Variants in LAMA3 observed in about 807,000 individuals in gnomAD.
LAMA3 encodes laminin subunit alpha 3, also known as laminin subunit alpha-3.
In LAMA3, 281 loss-of-function variants were observed where a neutral mutation model predicts 402.0. The observed-to-expected ratio is 0.70, with a 90% CI of 0.63 to 0.77. LAMA3 has a LOEUF of 0.77. LAMA3 is among the 30% of genes least tolerant of loss of function. The pLI is 0.00. For synonymous variants in LAMA3, 1,431 were observed against 1,558.4 expected, an observed-to-expected ratio of 0.92 and a Z score of 1.93; for missense variants, 3,840 against 4,215.5, an observed-to-expected ratio of 0.91 and a Z score of 2.47.
chr18:23,852,125 T>A (rs1249430119), intron 32 of LAMA3, among the ~76,000 whole-genome samples: 1 of 152,212 alleles, frequency 6.6e-6, no homozygotes, highest in Non-Finnish European at 1.5e-5. Flanking sequence ...TACAGCCTGG[T>A]TAAGTCCTTT....
At position 23,842,741 on chromosome 18, in the gene LAMA3, CT is replaced by C. The variant is rs777406720; in HGVS notation, c.3596del (p.Leu1199TrpfsTer7). The C allele has an allele frequency of 1.2e-6, 2 of 1,614,214 alleles. No individual in the cohort carries two copies. Among genetic ancestry groups the C allele is most frequent in the Non-Finnish European group, 1.7e-6 (2 of 1,180,034 alleles). On this transcript the variant is annotated frameshift_variant, in exon 29 of 75. Transcript: ENST00000313654. LOFTEE classifies it high-confidence loss of function. ...CTGTGAAGGTTCCAGAAGGAAAGTC[CT>C]TGGTTTTGGTGCGTTCCACTCGTTC... The part of the protein sequence containing the change: ...ATVKVPEGKS[L>X]VLVRVLVVPA...
At chr18:23,919,160 T>C (rs1053733793) in intron 60 of LAMA3, among the ~76,000 whole-genome samples, 23 of 152,292 alleles carry the variant, frequency 1.5e-4, no homozygotes, top group African/African-American at 5.1e-4. Context: ...AGTAAATTGG[T>C]GTAACTCTGT....
At chr18:23,878,923 TGA>T (rs1362871380) in intron 39 of LAMA3, among the ~76,000 whole-genome samples, 1 of 152,092 alleles carries the variant, frequency 6.6e-6, no homozygotes. Context: ...TCCTATGTGC[TGA>T]GACCCCCATC....
chr18:23,738,154 G>T (rs570275639), intron 2 of LAMA3, among the ~76,000 whole-genome samples: 2 of 152,180 alleles, frequency 1.3e-5, no homozygotes, highest in South Asian at 2.1e-4. Flanking sequence ...AGAGGGGAGT[G>T]AGTCCCCGCA....
chr18:23,837,806 C>G (rs1012508273), intron 25 of LAMA3, among the ~76,000 whole-genome samples: 4 of 151,872 alleles, frequency 2.6e-5, no homozygotes, highest in African/African-American at 9.7e-5. Context: ...ACTACGCATG[C>G]ATCACACCCT....
chr18:23,864,201 T>C (rs1446829147), intron 35 of LAMA3, among the ~76,000 whole-genome samples: 3 of 151,294 alleles, frequency 2.0e-5, no homozygotes, highest in Admixed American at 2.0e-4. Context: ...TTATTTTTCT[T>C]ACTTTCTTTC....
intron 26 of LAMA3, 109 bp downstream of exon 26, chr18:23,838,987 T>A (rs1246283155): frequency 1.8e-5 from 14 of 756,922 alleles, no homozygotes; most frequent in Admixed American, 1.7e-4. Context: ...GCCAAGGTGC[T>A]AAAGTCTGGT....
intron 30 of LAMA3, among the ~76,000 whole-genome samples, 184 bp from the exon 31 acceptor site, chr18:23,846,112 TA>T (rs2063809184): frequency 1.3e-5 from 2 of 152,192 alleles, no homozygotes; most frequent in East Asian, 1.9e-4. Context: ...TGGCAGGTGG[TA>T]GGGGGAGGGT....
intron 64 of LAMA3, among the ~76,000 whole-genome samples, chr18:23,929,163 A>G (rs1042883095): frequency 6.6e-6 from 1 of 152,220 alleles, no homozygotes; most frequent in Admixed American, 6.5e-5. Flanking sequence ...AGCTCTCTCC[A>G]GATTGCCTTT....
intron 38 of LAMA3, among the ~76,000 whole-genome samples, chr18:23,874,453 A>C (rs370015806): frequency 1.3e-5 from 2 of 152,258 alleles, no homozygotes. Flanking sequence ...ATTTATTTGC[A>C]ATATACTCTT....
chr18:23,894,678 T>C (rs553444869), intron 43 of LAMA3, among the ~76,000 whole-genome samples: 2 of 152,318 alleles, frequency 1.3e-5, no homozygotes, highest in African/African-American at 4.8e-5. Context: ...ATTTTCCTTA[T>C]GTGTAAAGTA....
chr18:23,796,841 A>G (rs2062772501), intron 12 of LAMA3, among the ~76,000 whole-genome samples: 1 of 152,016 alleles, frequency 6.6e-6, no homozygotes, highest in South Asian at 2.1e-4. Context: ...GCCTGGCCTC[A>G]TTGATATTTT....
chr18:23,798,104 C>T (rs570881388), intron 12 of LAMA3, among the ~76,000 whole-genome samples: 24 of 152,112 alleles, frequency 1.6e-4, no homozygotes, highest in Admixed American at 4.6e-4. Context: ...TCCTTTTTTC[C>T]GCTATTCTTC....
At chr18:23,834,590 G>A (rs1490892665) in intron 24 of LAMA3, 4 of 158,674 alleles carry the variant, frequency 2.5e-5, no homozygotes, top group African/African-American at 9.6e-5. Context: ...AGAGCATGCT[G>A]TAATTAAAGA....
rs745469704 is a variant in LAMA3 at position 23,918,416 on chromosome 18, G to GATCT, written c.7923+1722_7923+1725dup. ...CCCAAAACATGTGAAAACTTCCTGGGATCTCTAAGATCTAGACTGACTTCC... is the reference window on the plus strand; with the variant it reads ...CCCAAAACATGTGAAAACTTCCTGGGATCTATCTCTAAGATCTAGACTGACTTCC... On this transcript the variant is annotated intron_variant, in intron 60 of 74. Transcript: ENST00000313654. The surrounding 1 kb of genome is among the most constrained non-coding windows in gnomAD (Gnocchi z 4.1). Among the ~76,000 whole-genome samples the GATCT allele has an allele frequency of 7.2e-5, 11 of 152,172 alleles. No homozygotes were observed. Among genetic ancestry groups the GATCT allele is most frequent in the Non-Finnish European group, 1.5e-4 (10 of 68,034 alleles).
chr18:23,952,141 T>C (rs2145576678), intron 73 of LAMA3, among the ~76,000 whole-genome samples: 1 of 152,342 alleles, frequency 6.6e-6, no homozygotes, highest in South Asian at 2.1e-4. Flanking sequence ...CTGTGTGACC[T>C]TGGACAAGTT....
At chr18:23,840,091 A>G (rs183881847) in intron 27 of LAMA3, among the ~76,000 whole-genome samples, 162 bp downstream of exon 27, 1 of 152,312 alleles carries the variant, frequency 6.6e-6, no homozygotes, top group East Asian at 1.9e-4. Flanking sequence ...TGTTTTAACA[A>G]ACCCTCCAGG....
At chr18:23,867,552 CAAAAAAAAAAAAAAAAG>C (rs2064391797) in intron 36 of LAMA3, among the ~76,000 whole-genome samples, 2 of 96,362 alleles carry the variant, frequency 2.1e-5, no homozygotes, top group African/African-American at 8.0e-5. Context: ...CCATCCCTGC[CAAAAAAAAAAAAAAAAG>C]AAAAAAAAAA....
intron 67 of LAMA3, among the ~76,000 whole-genome samples, chr18:23,936,920 A>G (rs1016716526): frequency 1.3e-5 from 2 of 152,198 alleles, no homozygotes; most frequent in African/African-American, 2.4e-5. Flanking sequence ...ACATTTTTCT[A>G]TAGTCAGTGT....
Sources: gnomAD v4.1 joint callset for allele counts (sites outside exome capture counted in the v4.1 genomes callset) on GRCh38, gnomAD v4.1.1 for gene constraint, Gnocchi (gnomAD v3.1) non-coding constraint, MANE v1.5 for transcripts, NCBI Gene and HGNC (gene_info 2026-07-23, HGNC 2026-07-21) for gene names.